The following NAA15 variants were observed in gnomAD, a reference collection of about 807,000 sequenced individuals.
NAA15 encodes the protein N-terminal acetyltransferase.
Under a neutral mutation model 114.0 loss-of-function variants are expected in NAA15, and 34 were observed. The observed-to-expected ratio is 0.30, with a 90% CI of 0.23 to 0.40. The LOEUF (loss-of-function observed/expected upper bound fraction) is 0.40, where lower values mean the gene tolerates loss of function less well. Among genes scored for constraint, NAA15 ranks in the 10% least tolerant of loss-of-function variants. The probability of loss-of-function intolerance (pLI) is 1.00; values close to 1 mark genes in which losing one functional copy is unlikely to be tolerated. For missense variants in NAA15, 658 were observed against 1,004.5 expected, an observed-to-expected ratio of 0.66 and a Z score of 4.66; for synonymous variants, 340 against 338.0, an observed-to-expected ratio of 1.01 and a Z score of -0.06.
At chr4:139,317,396 G>A (rs563713475) in intron 1 of NAA15, among the ~76,000 whole-genome samples, 1 of 152,234 alleles carries the variant, frequency 6.6e-6, no homozygotes, top group Non-Finnish European at 1.5e-5. Flanking sequence ...GGCCGAGGCG[G>A]GTAGATCACG....
At chr4:139,328,123 T>G (rs1746863816) in intron 1 of NAA15, among the ~76,000 whole-genome samples, 2 of 152,078 alleles carry the variant, frequency 1.3e-5, no homozygotes, top group Admixed American at 1.3e-4. Context: ...CACTGATTTT[T>G]TTTTTCTTCT....
At chr4:139,353,060 C>T (rs1747832921) in intron 9 of NAA15, among the ~76,000 whole-genome samples, 1 of 152,118 alleles carries the variant, frequency 6.6e-6, no homozygotes, top group Non-Finnish European at 1.5e-5. Context: ...TTATGATTTT[C>T]TTCTACTTAA....
At chr4:139,382,827 T>C (rs914674470) in intron 17 of NAA15, among the ~76,000 whole-genome samples, 21 of 152,236 alleles carry the variant, frequency 1.4e-4, no homozygotes, top group African/African-American at 2.2e-4. Flanking sequence ...AAAGAGCATG[T>C]CAGTGAATTA....
intron 1 of NAA15, among the ~76,000 whole-genome samples, chr4:139,332,191 C>T (rs578134302): frequency 2.6e-5 from 4 of 151,832 alleles, no homozygotes; most frequent in South Asian, 2.1e-4. Flanking sequence ...AGTGCAGTAG[C>T]GCAATCTCGG....
Position 139,301,526 on chromosome 4 carries a change from C to A in NAA15, c.-252C>A. 3 of 551,766 alleles carry A rather than the reference C, an allele frequency of 5.4e-6. No individual in the cohort carries two copies. The highest frequency in any genetic ancestry group is 4.5e-5 in the South Asian group (2 of 44,092). The allele number at this position is 551,766 out of a possible 1,614,324, so 34.2% of individuals were successfully genotyped here. A position where few individuals can be genotyped will look rare whatever the true frequency, so the allele number is the denominator to read the frequency against. Reference sequence around the variant, plus strand: ...TTTTGGCTGCCTCTGTCGGTCTGTTCAGTTACCACGTGAACCGCCGACGGA... The same window carrying A: ...TTTTGGCTGCCTCTGTCGGTCTGTTAAGTTACCACGTGAACCGCCGACGGA... On this transcript the variant is annotated 5_prime_UTR_variant, in exon 1 of 20. Coordinates refer to ENST00000296543, the MANE Select transcript of NAA15 (RefSeq NM_057175.5).
chr4:139,314,852 A>G (rs1273567112), intron 1 of NAA15, among the ~76,000 whole-genome samples: 1 of 151,644 alleles, frequency 6.6e-6, no homozygotes, highest in East Asian at 1.9e-4. Context: ...AAATTTTTGT[A>G]TTTTTAGTAG....
intron 13 of NAA15, among the ~76,000 whole-genome samples, chr4:139,361,399 C>T (rs1232563244): frequency 1.3e-5 from 2 of 152,112 alleles, no homozygotes; most frequent in Non-Finnish European, 2.9e-5. Flanking sequence ...TCTACTTGCA[C>T]TACTATGTAA....
chr4:139,365,550 G>T (rs1748256041), intron 14 of NAA15, among the ~76,000 whole-genome samples: 2 of 151,958 alleles, frequency 1.3e-5, no homozygotes, highest in African/African-American at 4.8e-5. Context: ...CAATGTATGG[G>T]GTATGGGCTG....
intron 18 of NAA15, among the ~76,000 whole-genome samples, chr4:139,385,375 G>A (rs1748885389): frequency 6.9e-6 from 1 of 145,494 alleles, no homozygotes. Context: ...ACAAATCAAA[G>A]TCAGTGGTCT....
intron 1 of NAA15, among the ~76,000 whole-genome samples, chr4:139,325,282 A>G (rs1746759903): frequency 1.3e-5 from 2 of 152,224 alleles, no homozygotes; most frequent in Non-Finnish European, 2.9e-5. Context: ...ATCTTTTAAA[A>G]GATAAAAATT....
At chr4:139,306,395 AT>A (rs34609180) in intron 1 of NAA15, among the ~76,000 whole-genome samples, 25 of 147,582 alleles carry the variant, frequency 1.7e-4, no homozygotes, top group Non-Finnish European at 2.4e-4. Context: ...CACTCGGCTA[AT>A]TTTTTTTTTT....
rs1553992519 is a variant in NAA15 at position 139,315,006 on chromosome 4, T to TTTAGGTTAGGTTAGGTTAGG, written c.54+13205_54+13224dup. Among the ~76,000 whole-genome samples the TTTAGGTTAGGTTAGGTTAGG allele has an allele frequency of 1.4e-3, 138 of 101,546 alleles. 8 individuals carry two copies. Among genetic ancestry groups the TTTAGGTTAGGTTAGGTTAGG allele is most frequent in the East Asian group, 2.7e-3 (10 of 3,728 alleles). The allele number at this position is 101,546 out of a possible 152,430, so 66.6% of individuals were successfully genotyped here. On this transcript the variant is annotated intron_variant, in intron 1 of 19. Transcript: ENST00000296543. ...AAGCGTTCAGTTCAGTTCAGTTTAG[T>TTTAGGTTAGGTTAGGTTAGG]TTAGGTTAGGTTAGGTTAGGTTAGG...
chr4:139,348,259 G>C (rs1163816861), intron 6 of NAA15, among the ~76,000 whole-genome samples: 1 of 152,028 alleles, frequency 6.6e-6, no homozygotes, highest in African/African-American at 2.4e-5. Flanking sequence ...CTCAAGACCA[G>C]CCTGGGCAAA....
rs115273910 is a variant in NAA15, at chr4:139,339,935, A to G, written c.245-977A>G. On this transcript the variant is annotated intron_variant, in intron 3 of 19. Transcript: ENST00000296543. ...CTCCTCCTTGATAGCAGTTTTTACAACCTACTTTAATTTTGCTTATTTATC... is the reference window on the plus strand; with the variant it reads ...CTCCTCCTTGATAGCAGTTTTTACAGCCTACTTTAATTTTGCTTATTTATC... Among the ~76,000 whole-genome samples, 1,247 of 152,296 alleles carry G rather than the reference A, an allele frequency of 8.2e-3. 19 individuals carry two copies. The highest frequency in any genetic ancestry group is 0.028 in the African/African-American group (1,175 of 41,552).
At chr4:139,348,014 G>A (rs1344791267) in intron 6 of NAA15, among the ~76,000 whole-genome samples, 22 of 150,030 alleles carry the variant, frequency 1.5e-4, no homozygotes, top group African/African-American at 4.9e-5. Flanking sequence ...AGTCCGGCCT[G>A]GGCGACAGAG....
At chr4:139,316,294 T>A (rs1292981880) in intron 1 of NAA15, among the ~76,000 whole-genome samples, 2 of 151,958 alleles carry the variant, frequency 1.3e-5, no homozygotes, top group Non-Finnish European at 2.9e-5. Context: ...CCACCTGTTC[T>A]GTCTCTTCTA....
At chr4:139,304,692 A>G (rs1223121155) in intron 1 of NAA15, among the ~76,000 whole-genome samples, 2 of 152,212 alleles carry the variant, frequency 1.3e-5, no homozygotes, top group Non-Finnish European at 2.9e-5. Flanking sequence ...GCAGACACCA[A>G]GGATAATGAG....
At chr4:139,359,951 C>G in intron 12 of NAA15, 56 bp downstream of exon 12, 2 of 1,450,976 alleles carry the variant, frequency 1.4e-6, no homozygotes, top group Non-Finnish European at 1.8e-6. Context: ...CCAGTTCATA[C>G]TTGTATAACA....
chr4:139,387,802 T>G, intron 19 of NAA15, 82 bp from the exon 20 acceptor site: 1 of 1,038,434 alleles, frequency 9.6e-7, no homozygotes, highest in South Asian at 1.4e-5. Flanking sequence ...TTTAGAAATC[T>G]CTTGCTGTTG....
Sources: gnomAD v4.1 joint callset for allele counts (sites outside exome capture counted in the v4.1 genomes callset) on GRCh38, gnomAD v4.1.1 for gene constraint, MANE v1.5 for transcripts, NCBI Gene and HGNC (gene_info 2026-07-23, HGNC 2026-07-21) for gene names.